The following MARCHF10 variants were observed in gnomAD, a reference collection of about 807,000 sequenced individuals.
MARCHF10 encodes the protein probable E3 ubiquitin-protein ligase MARCHF10.
In MARCHF10, 64 loss-of-function variants were observed where a neutral mutation model predicts 76.2. The observed-to-expected ratio is 0.84, with a 90% CI of 0.69 to 1.03. The LOEUF (loss-of-function observed/expected upper bound fraction) is 1.03, where lower values mean the gene tolerates loss of function less well. Among genes scored for constraint, MARCHF10 ranks in the 50% least tolerant of loss-of-function variants. MARCHF10 has a pLI of 0.00. For missense variants in MARCHF10, 875 were observed against 958.0 expected (o/e 0.91, Z 1.14); for synonymous variants, 340 against 357.5 (o/e 0.95, Z 0.55).
chr17:62,771,579 T>TTC (rs2092448954), intron 3 of MARCHF10, among the ~76,000 whole-genome samples: 1 of 149,368 alleles, frequency 6.7e-6, no homozygotes, highest in Non-Finnish European at 1.5e-5. Context: ...TATCTATTTT[T>TTC]TTTTTTTTTT....
chr17:62,750,608 A>C (rs2091866973), intron 4 of MARCHF10: 1 of 152,654 alleles, frequency 6.6e-6, no homozygotes, highest in South Asian at 2.1e-4. Context: ...ACGTCTGCGA[A>C]TGAATCCAAA....
At chr17:62,787,057 T>C (rs2092758903) in intron 3 of MARCHF10, among the ~76,000 whole-genome samples, 1 of 152,210 alleles carries the variant, frequency 6.6e-6, no homozygotes, top group South Asian at 2.1e-4. Context: ...TTTGGATAAA[T>C]CTCACTCCTT....
In MARCHF10 at chr17:62,701,733, T is replaced by C. The variant is rs1467628878; in HGVS notation, c.2397A>G (p.Glu799=). 6.2e-7 allele frequency: 1 copy of C among 1,614,172 alleles called. No individual in the cohort carries two copies. Among genetic ancestry groups the C allele is most frequent in the Non-Finnish European group, 8.5e-7 (1 of 1,180,044 alleles). The change falls in exon 11 of 11, where the codon GAA becomes GAG. Residue 799 remains glutamate, a synonymous_variant. Transcript: ENST00000311269. ...CGACCTGGCTTTGAGAAATGCTGCC[T>C]TCATTTCCATCTCCCAACTCCGAAT... ...NENSELGDGN[E]GSISQSQVV is the part of the protein sequence containing the mutation.
At chr17:62,714,858 G>C (rs893140772) in intron 8 of MARCHF10, among the ~76,000 whole-genome samples, 1 of 152,012 alleles carries the variant, frequency 6.6e-6, no homozygotes. Flanking sequence ...TGATTCTCCT[G>C]CCTCAGCCTC....
At chr17:62,745,606 G>C (rs939920698) in intron 4 of MARCHF10, among the ~76,000 whole-genome samples, 19 of 152,182 alleles carry the variant, frequency 1.2e-4, no homozygotes, top group Non-Finnish European at 2.8e-4. Flanking sequence ...CAGAAAGGTT[G>C]CAAGCATCTG....
chr17:62,767,484 T>C (rs1372803293), intron 3 of MARCHF10, among the ~76,000 whole-genome samples: 1 of 138,500 alleles, frequency 7.2e-6, no homozygotes, highest in African/African-American at 2.6e-5. Context: ...GGAGTCTCCC[T>C]CTGTCGCCCA....
At chr17:62,763,912 T>C (rs1412366794) in intron 3 of MARCHF10, among the ~76,000 whole-genome samples, 3 of 152,184 alleles carry the variant, frequency 2.0e-5, no homozygotes, top group Non-Finnish European at 4.4e-5. Flanking sequence ...ACTGGCCTCA[T>C]GTCTAATAAA....
At chr17:62,764,891 C>T (rs1014634439) in intron 3 of MARCHF10, among the ~76,000 whole-genome samples, 2 of 152,276 alleles carry the variant, frequency 1.3e-5, no homozygotes, top group East Asian at 1.9e-4. Flanking sequence ...CAATAAAGAA[C>T]GAGGCTCAGT....
intron 1 of MARCHF10, chr17:62,804,887 G>A (rs2093138428): frequency 6.6e-6 from 1 of 152,216 alleles, no homozygotes; most frequent in South Asian, 2.1e-4. Flanking sequence ...GATGGGACAG[G>A]CGACATCTCT....
chr17:62,794,960 T>C, intron 2 of MARCHF10: 1 of 924,546 alleles, frequency 1.1e-6, no homozygotes, highest in Non-Finnish European at 1.3e-6. Context: ...TTTGAGATAG[T>C]ATTCCCCTCC....
chr17:62,773,386 T>C (rs1171831814), intron 3 of MARCHF10, among the ~76,000 whole-genome samples: 1 of 152,086 alleles, frequency 6.6e-6, no homozygotes, highest in Non-Finnish European at 1.5e-5. Flanking sequence ...TTCTGTGGAA[T>C]GATGAGCATG....
chr17:62,715,687 G>A (rs868224515), intron 8 of MARCHF10, among the ~76,000 whole-genome samples: 3 of 152,184 alleles, frequency 2.0e-5, no homozygotes, highest in African/African-American at 4.8e-5. Context: ...AGATGAAACC[G>A]CCAGGTCCCT....
In MARCHF10 at chr17:62,722,205, C is replaced by T. The variant is rs868300380; in HGVS notation, c.2214+283G>A. 1.3e-5 allele frequency among the ~76,000 whole-genome samples: 2 copies of T among 149,160 alleles called. 1 individual carries two copies. Among genetic ancestry groups the T allele is most frequent in the South Asian group, 4.2e-4 (2 of 4,762 alleles). On this transcript the variant is annotated intron_variant, in intron 8 of 10. Coordinates refer to ENST00000311269, the MANE Select transcript of MARCHF10 (RefSeq NM_152598.4). ...GGCTGAGGTGGGAGGATCGCTTGAA[C>T]CTGTGAGGCAGAGTTTGCAGTGAGA... is the stretch of plus-strand genomic sequence containing the variant.
chr17:62,758,176 G>A (rs1156355292), intron 4 of MARCHF10, among the ~76,000 whole-genome samples: 1 of 152,182 alleles, frequency 6.6e-6, no homozygotes, highest in African/African-American at 2.4e-5. Flanking sequence ...AGAGGCAGGC[G>A]GATCCTTGAG....
At chr17:62,702,440 G>A (rs908620604) in intron 10 of MARCHF10, among the ~76,000 whole-genome samples, 2 of 146,004 alleles carry the variant, frequency 1.4e-5, no homozygotes, top group African/African-American at 2.5e-5. Context: ...GGGGGGCGGC[G>A]AATCACTTGA....
chr17:62,774,034 C>T (rs768169929), intron 3 of MARCHF10, among the ~76,000 whole-genome samples: 5 of 152,108 alleles, frequency 3.3e-5, no homozygotes, highest in Admixed American at 6.5e-5. Context: ...AGGGAGGACA[C>T]GTCAGTGTGG....
At chr17:62,778,682 CAA>C (rs71357038) in intron 3 of MARCHF10, among the ~76,000 whole-genome samples, 5,301 of 100,672 alleles carry the variant, frequency 0.053, 290 homozygotes, top group African/African-American at 0.17. Context: ...GACTCTGTCT[CAA>C]AAAAAAAAAA....
At chr17:62,713,054 G>A (rs1464796999) in intron 8 of MARCHF10, among the ~76,000 whole-genome samples, 1 of 152,078 alleles carries the variant, frequency 6.6e-6, no homozygotes, top group East Asian at 1.9e-4. Flanking sequence ...CACTTTTTCT[G>A]TTTTAATTGC....
At chr17:62,760,668 A>C (rs2092175833) in intron 3 of MARCHF10, among the ~76,000 whole-genome samples, 1 of 152,252 alleles carries the variant, frequency 6.6e-6, no homozygotes, top group African/African-American at 2.4e-5. Context: ...ATACTTGGCC[A>C]CACTTACACC....
Sources: gnomAD v4.1 joint callset for allele counts (sites outside exome capture counted in the v4.1 genomes callset) on GRCh38, gnomAD v4.1.1 for gene constraint, MANE v1.5 for transcripts, NCBI Gene and HGNC (gene_info 2026-07-23, HGNC 2026-07-21) for gene names.